SNED1: variants seen among roughly 807,000 people sequenced by gnomAD.
SNED1 encodes sushi, nidogen and EGF-like domain-containing protein 1.
In SNED1, 81 loss-of-function variants were observed where a neutral mutation model predicts 166.7. The ratio of observed to expected loss-of-function variants is 0.49; its 90% CI spans 0.41 to 0.58. SNED1 has a LOEUF of 0.58. SNED1 is among the 20% of genes least tolerant of loss of function. The pLI is 0.00. For missense variants in SNED1, 1,604 were observed against 2,000.2 expected (o/e 0.80, Z 3.78); for synonymous variants, 762 against 822.0 (o/e 0.93, Z 1.25).
intron 31 of SNED1, 107 bp downstream of exon 31, chr2:241,088,509 G>C (rs886133312): frequency 2.2e-6 from 2 of 894,736 alleles, no homozygotes; most frequent in Non-Finnish European, 1.9e-6. Flanking sequence ...ACTCAGCACT[G>C]CTAAAGGAAG....
At position 241,052,800 on chromosome 2, in the gene SNED1, TG is replaced by T. The variant is rs143543911; in HGVS notation, c.2083+338del. ...ATGCTGGTGTCAGGCAGGTAAGGCC[TG>T]GGGGGCCCAAGCAGGGTACATGGGA... On this transcript the variant is annotated intron_variant, in intron 15 of 31. Coordinates refer to ENST00000310397, the MANE Select transcript of SNED1 (RefSeq NM_001080437.3). 1.5e-4 allele frequency among the ~76,000 whole-genome samples: 8 copies of T among 52,540 alleles called. 1 individual carries two copies. Among genetic ancestry groups the T allele is most frequent in the Admixed American group, 2.8e-4 (1 of 3,632 alleles). The allele number at this position is 52,540 out of a possible 152,430, so 34.5% of individuals were successfully genotyped here. A position where few individuals can be genotyped will look rare whatever the true frequency, so the allele number is the denominator to read the frequency against.
At position 241,009,460 on chromosome 2, in the gene SNED1, G is replaced by C. The variant is rs78060342; in HGVS notation, c.213+10410G>C. ...GAAGCAAGTGAGGCAAGGAGCAGGC[G>C]GCAGGAGCTGCTGTCAACACAAGGA... On this transcript the variant is annotated intron_variant, in intron 1 of 31. Coordinates refer to ENST00000310397, the MANE Select transcript of SNED1 (RefSeq NM_001080437.3). Among the ~76,000 whole-genome samples the C allele has an allele frequency of 1.8e-3, 277 of 152,262 alleles. 2 individuals carry two copies. Among genetic ancestry groups the C allele is most frequent in the African/African-American group, 6.5e-3 (271 of 41,554 alleles).
At chr2:241,005,948 G>A (rs2060210436) in intron 1 of SNED1, among the ~76,000 whole-genome samples, 1 of 151,724 alleles carries the variant, frequency 6.6e-6, no homozygotes, top group African/African-American at 2.4e-5. Flanking sequence ...CATGAAATTT[G>A]AAAAAAATCT....
At chr2:241,043,504 A>T (rs1332060589) in intron 8 of SNED1, among the ~76,000 whole-genome samples, 5 of 152,206 alleles carry the variant, frequency 3.3e-5, no homozygotes, top group Admixed American at 2.6e-4. Flanking sequence ...TTACAAAAAA[A>T]TGTTAAAGGA....
chr2:241,068,813 C>T lies in SNED1; in HGVS notation c.3195-98C>T, dbSNP rs868548453. ...GCCACCAGCAGCAGGATGACCTCCC[C>T]GCAGTCACCTCCTGCCTGGGGGAGC... On this transcript the variant is annotated intron_variant, in intron 22 of 31. Transcript: ENST00000310397. The surrounding 1 kb of genome is among the most constrained non-coding windows in gnomAD (Gnocchi z 5.3). 27 of 807,714 alleles carry T rather than the reference C, an allele frequency of 3.3e-5. No homozygotes were observed. Among genetic ancestry groups the T allele is most frequent in the South Asian group, 5.3e-5 (3 of 56,612 alleles). The allele number at this position is 807,714 out of a possible 1,614,324, so 50.0% of individuals were successfully genotyped here.
chr2:241,066,729 A>G (rs2062466832), intron 21 of SNED1, among the ~76,000 whole-genome samples: 1 of 152,182 alleles, frequency 6.6e-6, no homozygotes, highest in Non-Finnish European at 1.5e-5. Context: ...TATGGGTAGC[A>G]TGGCGGGTAG....
At chr2:240,998,610 G>T (rs912430503), upstream of SNED1, among the ~76,000 whole-genome samples, 1 of 151,934 alleles carries the variant, frequency 6.6e-6, no homozygotes, top group African/African-American at 2.4e-5. Flanking sequence ...GGCCCCAGGG[G>T]CGGGGCTGGC....
chr2:241,012,238 C>G (rs1168157506), intron 1 of SNED1, among the ~76,000 whole-genome samples: 1 of 152,222 alleles, frequency 6.6e-6, no homozygotes, highest in Non-Finnish European at 1.5e-5. Flanking sequence ...GATGCTTCTC[C>G]CCCAACCCAG....
intron 31 of SNED1, chr2:241,088,692 A>C: frequency 2.3e-6 from 1 of 435,606 alleles, no homozygotes; most frequent in Non-Finnish European, 4.1e-6. Flanking sequence ...GTGGCCAAGA[A>C]ACCCCTAGAT....
At chr2:241,005,005 G>T (rs2106539505) in intron 1 of SNED1, among the ~76,000 whole-genome samples, 1 of 152,180 alleles carries the variant, frequency 6.6e-6, no homozygotes, top group East Asian at 1.9e-4. Context: ...ACAGATGTAG[G>T]CCACCATGCC....
chr2:241,036,988 A>G (rs2061392146), intron 5 of SNED1, 73 bp downstream of exon 5: 1 of 1,527,926 alleles, frequency 6.5e-7, no homozygotes, highest in East Asian at 2.4e-5. Flanking sequence ...AGGCTCCGCC[A>G]GTGGCCCTGG....
Position 240,999,297 on chromosome 2 carries a change from C to T in SNED1, c.213+247C>T, listed in dbSNP as rs1200459977. Among the ~76,000 whole-genome samples the T allele has an allele frequency of 4.6e-5, 7 of 151,324 alleles. No individual in the cohort carries two copies. The highest frequency in any genetic ancestry group is 1.7e-4 in the African/African-American group (7 of 41,358). On this transcript the variant is annotated intron_variant, in intron 1 of 31. Transcript: ENST00000310397. The surrounding 1 kb of genome is among the most constrained non-coding windows in gnomAD (Gnocchi z 5.8). ...GGCGGGGGCGAGTGGAGCGCGGCGC[C>T]CCGGCCCCTGCCAGACCTGCCGAGC...
chr2:241,047,600 A>G (rs1388164620), intron 8 of SNED1, among the ~76,000 whole-genome samples: 2 of 152,274 alleles, frequency 1.3e-5, no homozygotes, highest in Admixed American at 1.3e-4. Flanking sequence ...TTTTCTGACC[A>G]TAGCAAAATT....
intron 10 of SNED1, 107 bp downstream of exon 10, chr2:241,048,873 G>T: frequency 8.3e-7 from 1 of 1,201,368 alleles, no homozygotes; most frequent in South Asian, 1.4e-5. Flanking sequence ...TCGACCATTG[G>T]TTCTACCCCC....
At chr2:241,065,071 C>G in intron 20 of SNED1, 114 bp downstream of exon 20, 1 of 900,914 alleles carries the variant, frequency 1.1e-6, no homozygotes, top group Non-Finnish European at 1.6e-6. Flanking sequence ...AGGCCCCTTC[C>G]CTGAGGAACA....
chr2:241,014,243 A>G (rs2060503501), intron 1 of SNED1, among the ~76,000 whole-genome samples: 1 of 152,166 alleles, frequency 6.6e-6, no homozygotes, highest in African/African-American at 2.4e-5. Context: ...TCCTGGCCTC[A>G]GGTGATCTGC....
rs1302346481 is a variant in SNED1, at chr2:241,073,562, C to T, written c.3916+198C>T. The T allele has an allele frequency of 2.9e-5, 18 of 627,888 alleles. No individual in the cohort carries two copies. Among genetic ancestry groups the T allele is most frequent in the Non-Finnish European group, 4.4e-5 (15 of 344,240 alleles). 38.9% of individuals were successfully genotyped at this position (627,888 alleles called of 1,614,324 possible). A position where few individuals can be genotyped will look rare whatever the true frequency, so the allele number is the denominator to read the frequency against. Reference sequence around the variant, plus strand: ...CACCCAAGCAGTGGGACCCCACAGACGGGAACAGGCCAGGGGGCAGGACCC... The same window carrying T: ...CACCCAAGCAGTGGGACCCCACAGATGGGAACAGGCCAGGGGGCAGGACCC... On this transcript the variant is annotated intron_variant, in intron 27 of 31. Transcript: ENST00000310397. The surrounding 1 kb of genome is among the most constrained non-coding windows in gnomAD (Gnocchi z 6.6).
At chr2:241,033,592 C>G in intron 2 of SNED1, 143 bp from the exon 3 acceptor site, 1 of 951,008 alleles carries the variant, frequency 1.1e-6, no homozygotes, top group Non-Finnish European at 1.5e-6. Flanking sequence ...CCTGCCTCGG[C>G]TGCCCGTCCA....
intron 1 of SNED1, among the ~76,000 whole-genome samples, chr2:241,004,710 G>C (rs1012399357): frequency 6.6e-6 from 1 of 151,848 alleles, no homozygotes; most frequent in Admixed American, 6.6e-5. Context: ...ACCCAATAAT[G>C]CACTGTTAAC....
Sources: allele counts gnomAD v4.1 joint callset (sites outside exome capture counted in the v4.1 genomes callset), GRCh38; gene constraint gnomAD v4.1.1; non-coding constraint Gnocchi (gnomAD v3.1); transcripts MANE v1.5; gene names NCBI Gene and HGNC (gene_info 2026-07-23, HGNC 2026-07-21).